THNSL1: variants seen among roughly 807,000 people sequenced by gnomAD.
THNSL1 encodes the protein threonine synthase-like 1.
A neutral mutation model predicts 50.4 loss-of-function variants in THNSL1; 48 were observed. The ratio of observed to expected loss-of-function variants is 0.95; its 90% CI spans 0.76 to 1.21. The LOEUF (loss-of-function observed/expected upper bound fraction) is 1.21, where lower values mean the gene tolerates loss of function less well. Ranked by LOEUF, THNSL1 falls within the 50% of genes most tolerant of loss-of-function variation. The probability of loss-of-function intolerance (pLI) is 0.00; values close to 1 mark genes in which losing one functional copy is unlikely to be tolerated. For missense variants in THNSL1, 896 were observed against 871.7 expected, an observed-to-expected ratio of 1.03 and a Z score of -0.35; for synonymous variants, 309 against 306.1, an observed-to-expected ratio of 1.01 and a Z score of -0.10.
At chr10:24,994,849 CCT>C in the THNSL1 span, among the ~76,000 whole-genome samples, 4,371 of 151,838 alleles carry the variant, frequency 0.029, 137 homozygotes, top group African/African-American at 0.078. Flanking sequence ...GGTGAAACCC[CCT>C]GTCTACTAAA....
At chr10:25,001,137 G>T in the THNSL1 span, among the ~76,000 whole-genome samples, 6 of 151,468 alleles carry the variant, frequency 4.0e-5, no homozygotes, top group African/African-American at 1.5e-4. Context: ...CCATATATTT[G>T]CCATTTCCAG....
In THNSL1 at chr10:25,021,856, G is replaced by T. The variant is rs1212402403; in HGVS notation, c.-101G>T. On this transcript the variant is annotated 5_prime_UTR_variant, in exon 2 of 3. An upstream open reading frame in the 5' UTR loses its in-frame stop. Transcript: ENST00000376356. The stretch of plus-strand genomic sequence containing the variant: ...AAATTAAGCACAACACATATAAATT[G>T]AAAAGTCAAATAAGGAAATGAATTA... 1 of 152,078 alleles carries T rather than the reference G, an allele frequency of 6.6e-6. No homozygotes were observed. The highest frequency in any genetic ancestry group is 1.9e-4 in the East Asian group (1 of 5,196). 9.4% of individuals were successfully genotyped at this position (152,078 alleles called of 1,614,324 possible).
chr10:25,015,775 TA>T, upstream of THNSL1: 1 of 1,225,910 alleles, frequency 8.2e-7, no homozygotes, highest in Non-Finnish European at 1.1e-6. Context: ...TATTTATTAT[TA>T]AAAATTCCAG....
At position 25,023,442 on chromosome 10, in the gene THNSL1, A is replaced by T. The variant is rs1246888620; in HGVS notation, c.219A>T (p.Arg73Ser). 6.2e-7 allele frequency: 1 copy of T among 1,614,064 alleles called. No homozygotes were observed. The highest frequency in any genetic ancestry group is 8.5e-7 in the Non-Finnish European group (1 of 1,180,016). Residue 73 changes from arginine (R) to serine (S), a missense_variant, in exon 3 of 3, where the codon AGA becomes AGT. Transcript: ENST00000376356. ...GTGCTGGGAAAACAACAGTAGGCAG[A>T]ATAATAGGTCAGAAACTAGGTTGTT... ...PPGAGKTTVG[R>S]IIGQKLGCCV...
the THNSL1 span, among the ~76,000 whole-genome samples, chr10:24,969,047 C>G: frequency 4.6e-5 from 7 of 152,190 alleles, no homozygotes; most frequent in Non-Finnish European, 7.3e-5. Flanking sequence ...GTATGTGCCA[C>G]TATGCCCGGC....
the THNSL1 span, among the ~76,000 whole-genome samples, chr10:24,971,673 G>C: frequency 2.0e-5 from 3 of 152,158 alleles, no homozygotes; most frequent in Non-Finnish European, 4.4e-5. Flanking sequence ...TAACATCTAG[G>C]AAACAGTGGG....
the THNSL1 span, among the ~76,000 whole-genome samples, chr10:24,956,682 C>G: frequency 3.3e-5 from 5 of 152,120 alleles, no homozygotes; most frequent in Non-Finnish European, 5.9e-5. Flanking sequence ...ATTGTCTCTT[C>G]TAGCTGATTT....
Position 25,024,398 on chromosome 10 carries a change from G to A in THNSL1, c.1175G>A (p.Arg392His), listed in dbSNP as rs750640954. The change falls in exon 3 of 3, where the codon CGT becomes CAT. Residue 392 changes from arginine (R) to histidine (H), a missense_variant. Arg to His is a conservative substitution (Grantham distance 29). Coordinates refer to ENST00000376356, the MANE Select transcript of THNSL1 (RefSeq NM_024838.5). ...TGSAVLNGFS[R>H]LNKNDKQRIA... ...AGTGCAGTCTTAAATGGTTTTAGTCGTCTAAATAAGAATGATAAGCAAAGG... is the reference window on the plus strand; with the variant it reads ...AGTGCAGTCTTAAATGGTTTTAGTCATCTAAATAAGAATGATAAGCAAAGG... 34 of 1,613,696 alleles carry A rather than the reference G, an allele frequency of 2.1e-5. No homozygotes were observed. The highest frequency in any genetic ancestry group is 1.6e-4 in the Middle Eastern group (1 of 6,084).
the THNSL1 span, among the ~76,000 whole-genome samples, chr10:24,972,010 G>A: frequency 6.6e-6 from 1 of 151,932 alleles, no homozygotes; most frequent in African/African-American, 2.4e-5. Context: ...GGCCAACATG[G>A]TGAAACCCTG....
At chr10:24,991,212 C>A in the THNSL1 span, among the ~76,000 whole-genome samples, 1 of 151,984 alleles carries the variant, frequency 6.6e-6, no homozygotes, top group African/African-American at 2.4e-5. Flanking sequence ...TTTCTACCTT[C>A]TACGTTCTTC....
chr10:24,965,729 T>G, the THNSL1 span, among the ~76,000 whole-genome samples: 1 of 152,224 alleles, frequency 6.6e-6, no homozygotes, highest in East Asian at 1.9e-4. Flanking sequence ...CTCTTGATTT[T>G]TCTTCTGGAA....
the THNSL1 span, among the ~76,000 whole-genome samples, chr10:24,973,676 T>C: frequency 6.6e-6 from 1 of 152,284 alleles, no homozygotes; most frequent in East Asian, 1.9e-4. Context: ...TCAGCAAGTA[T>C]AAAATTCGAA....
the THNSL1 span, among the ~76,000 whole-genome samples, chr10:24,970,784 G>C: frequency 2.6e-5 from 4 of 152,012 alleles, no homozygotes; most frequent in African/African-American, 9.6e-5. Flanking sequence ...AGCACTTTGG[G>C]AGGCTTAGGC....
the THNSL1 span, chr10:24,984,382 GA>G: frequency 7.3e-3 from 10,120 of 1,395,290 alleles, 2 homozygotes; most frequent in Middle Eastern, 8.6e-3. Context: ...ATGCGCTGCA[GA>G]AAAAAAAAAA....
intron 1 of THNSL1, among the ~76,000 whole-genome samples, chr10:25,021,154 A>AT (rs1314622494): frequency 2.0e-5 from 3 of 152,184 alleles, no homozygotes; most frequent in African/African-American, 7.2e-5. Context: ...TTTGGGTTCA[A>AT]TTTATATATT....
At chr10:24,991,613 C>T in the THNSL1 span, among the ~76,000 whole-genome samples, 551 of 152,238 alleles carry the variant, frequency 3.6e-3, 5 homozygotes, top group African/African-American at 0.012. Context: ...CACAGAGCTG[C>T]CCGGCTCCAG....
the THNSL1 span, among the ~76,000 whole-genome samples, chr10:24,999,156 T>C: frequency 6.6e-6 from 1 of 152,186 alleles, no homozygotes; most frequent in African/African-American, 2.4e-5. Context: ...ACTAAGATGG[T>C]GATGCATGTG....
the THNSL1 span, among the ~76,000 whole-genome samples, chr10:24,992,694 C>G: frequency 6.6e-6 from 1 of 152,180 alleles, no homozygotes; most frequent in Non-Finnish European, 1.5e-5. Context: ...AACAATAACA[C>G]TTTGTTGCTT....
chr10:24,953,228 C>G, the THNSL1 span: 2 of 152,536 alleles, frequency 1.3e-5, no homozygotes, highest in Non-Finnish European at 2.9e-5. Context: ...CCTCACCTCC[C>G]TCCATCTTCC....
Sources: allele counts gnomAD v4.1 joint callset (sites outside exome capture counted in the v4.1 genomes callset), GRCh38; gene constraint gnomAD v4.1.1; transcripts MANE v1.5; gene names NCBI Gene and HGNC (gene_info 2026-07-23, HGNC 2026-07-21).